The following TULP4 variants were observed in gnomAD, a reference collection of about 807,000 sequenced individuals.
The protein encoded by TULP4 is tubby-related protein 4.
A neutral mutation model predicts 129.0 loss-of-function variants in TULP4; 16 were observed. That is an observed-to-expected ratio of 0.12 (90% CI 0.08 to 0.19). TULP4 has a LOEUF of 0.19. Ranked by LOEUF, TULP4 falls within the 10% of genes least tolerant of loss-of-function variation. TULP4 has a pLI of 1.00. For missense variants in TULP4, 1,842 were observed against 2,059.1 expected, an observed-to-expected ratio of 0.89 and a Z score of 2.04; for synonymous variants, 998 against 854.0, an observed-to-expected ratio of 1.17 and a Z score of -2.94.
intron 1 of TULP4, among the ~76,000 whole-genome samples, chr6:158,408,611 G>C (rs557279781): frequency 5.3e-5 from 8 of 152,150 alleles, no homozygotes; most frequent in Non-Finnish European, 1.2e-4. Context: ...GGCAGCAAGA[G>C]GGTCCTGGTG....
intron 3 of TULP4, among the ~76,000 whole-genome samples, chr6:158,448,612 TAAC>T (rs1171706040): frequency 6.6e-6 from 1 of 152,148 alleles, no homozygotes; most frequent in Non-Finnish European, 1.5e-5. Flanking sequence ...GAGAAAATAA[TAAC>T]AACAAATCTC....
At chr6:158,321,060 T>A (rs976399004) in intron 1 of TULP4, among the ~76,000 whole-genome samples, 6 of 152,174 alleles carry the variant, frequency 3.9e-5, no homozygotes, top group Non-Finnish European at 8.8e-5. Flanking sequence ...TTTAAAAAAA[T>A]TTTCTTTAAC....
chr6:158,359,070 T>G (rs1021119849), intron 1 of TULP4, among the ~76,000 whole-genome samples: 1 of 152,176 alleles, frequency 6.6e-6, no homozygotes, highest in African/African-American at 2.4e-5. Context: ...TAAGGAGGAA[T>G]GTGTAATACA....
chr6:158,265,345 C>T (rs528323060), intron 1 of TULP4, among the ~76,000 whole-genome samples: 10 of 152,074 alleles, frequency 6.6e-5, no homozygotes, highest in Non-Finnish European at 1.2e-4. Context: ...TAGAGCTTAA[C>T]CTTCTCCCAC....
At chr6:158,305,307 A>G (rs1779198741) in intron 1 of TULP4, among the ~76,000 whole-genome samples, 1 of 146,150 alleles carries the variant, frequency 6.8e-6, no homozygotes, top group South Asian at 2.2e-4. Context: ...AGGCTGAATG[A>G]TATTTCATTC....
intron 1 of TULP4, among the ~76,000 whole-genome samples, chr6:158,344,948 T>C (rs888455916): frequency 1.4e-4 from 22 of 152,186 alleles, no homozygotes; most frequent in African/African-American, 4.8e-5. Flanking sequence ...CCAGTGAACA[T>C]GTGAATGATA....
At chr6:158,237,470 G>A in intron 1 of TULP4, 2 of 1,539,504 alleles carry the variant, frequency 1.3e-6, no homozygotes, top group Non-Finnish European at 1.8e-6. Context: ...GCACTGCCAG[G>A]TCTTGGGGAG....
At chr6:158,403,681 A>G (rs73023808) in intron 1 of TULP4, among the ~76,000 whole-genome samples, 30 of 152,324 alleles carry the variant, frequency 2.0e-4, no homozygotes, top group African/African-American at 6.5e-4. Flanking sequence ...TTACTACGCT[A>G]TGGAAACCCT....
In TULP4 at chr6:158,358,816, A is replaced by G. The variant is rs188117404; in HGVS notation, c.252+44548A>G. 4.0e-3 allele frequency among the ~76,000 whole-genome samples: 611 copies of G among 152,336 alleles called. 5 individuals are homozygous for G. Among genetic ancestry groups the G allele is most frequent in the Non-Finnish European group, 5.3e-3 (359 of 68,046 alleles). ...GCAGTAACATTTGATTTGAGTCTTG[A>G]TAGGTAACGAGGTTTCCTGACTAAA... On this transcript the variant is annotated intron_variant, in intron 1 of 13. Coordinates refer to ENST00000367097, the MANE Select transcript of TULP4 (RefSeq NM_020245.5).
chr6:158,502,891 C>T lies in TULP4; in HGVS notation c.3228C>T (p.Ser1076=), dbSNP rs763667335. The T allele has an allele frequency of 5.5e-5, 88 of 1,613,834 alleles. No homozygotes were observed. Among genetic ancestry groups the T allele is most frequent in the East Asian group, 1.1e-4 (5 of 44,872 alleles). The part of the protein sequence containing the change: ...SSYSLLSPPD[S]ARDRTDYVNS... ...ACAGCCTCCTGAGCCCACCCGACAG[C>T]GCCCGCGACCGCACCGACTACGTCA... The change falls in exon 13 of 14, where the codon AGC becomes AGT. Residue 1076 remains serine (S), a synonymous_variant. Transcript: ENST00000367097.
At chr6:158,307,156 T>C (rs1779229047) in intron 1 of TULP4, among the ~76,000 whole-genome samples, 1 of 152,262 alleles carries the variant, frequency 6.6e-6, no homozygotes, top group African/African-American at 2.4e-5. Flanking sequence ...AGTGTATTGT[T>C]TTATATTTTG....
intron 1 of TULP4, among the ~76,000 whole-genome samples, chr6:158,390,117 G>C (rs1777550896): frequency 6.6e-6 from 1 of 151,864 alleles, no homozygotes; most frequent in South Asian, 2.1e-4. Flanking sequence ...TATGTGCACA[G>C]TGAGAAAGTC....
intron 1 of TULP4, among the ~76,000 whole-genome samples, chr6:158,252,617 G>A (rs1164303683): frequency 6.6e-6 from 1 of 152,040 alleles, no homozygotes; most frequent in East Asian, 1.9e-4. Context: ...CTCATGATCT[G>A]CCCGCCTCGG....
At chr6:158,257,270 C>T (rs1434397158) in intron 1 of TULP4, among the ~76,000 whole-genome samples, 1 of 152,118 alleles carries the variant, frequency 6.6e-6, no homozygotes, top group Non-Finnish European at 1.5e-5. Flanking sequence ...TCAGGTCAGC[C>T]TCAGCTCTGT....
chr6:158,412,854 C>T (rs1778127310), intron 1 of TULP4, among the ~76,000 whole-genome samples: 1 of 152,176 alleles, frequency 6.6e-6, no homozygotes, highest in Admixed American at 6.5e-5. Flanking sequence ...CGCACTGTCT[C>T]TCATTGTTAG....
At chr6:158,438,757 G>A (rs530458014) in intron 3 of TULP4, among the ~76,000 whole-genome samples, 12 of 151,990 alleles carry the variant, frequency 7.9e-5, no homozygotes, top group African/African-American at 2.9e-4. Context: ...GCTAATTTTT[G>A]TATTTTTAGT....
At chr6:158,283,713 G>A (rs1470060386) in intron 1 of TULP4, among the ~76,000 whole-genome samples, 1 of 152,204 alleles carries the variant, frequency 6.6e-6, no homozygotes, top group Non-Finnish European at 1.5e-5. Flanking sequence ...CTGTTAAAGT[G>A]CAAGTTGGTC....
chr6:158,413,694 T>C lies in TULP4; in HGVS notation c.381+501T>C, dbSNP rs1478722605. On this transcript the variant is annotated intron_variant, in intron 2 of 13. Transcript: ENST00000367097. This position sits in a 1 kb window ranked among gnomAD's most constrained non-coding sequence, Gnocchi z 4.9. Reference sequence around the variant, plus strand: ...CTCCAGCTCTTCCTTTCTGACACAGTTTGTCTCTGCTCTCAGGAAACAGTT... The same window carrying C: ...CTCCAGCTCTTCCTTTCTGACACAGCTTGTCTCTGCTCTCAGGAAACAGTT... Among the ~76,000 whole-genome samples, 1 of 151,368 alleles carries C rather than the reference T, an allele frequency of 6.6e-6. No homozygotes were observed. The highest frequency in any genetic ancestry group is 1.5e-5 in the Non-Finnish European group (1 of 67,894).
intron 1 of TULP4, among the ~76,000 whole-genome samples, chr6:158,244,767 C>T (rs977841108): frequency 3.9e-5 from 6 of 151,920 alleles, no homozygotes; most frequent in Admixed American, 6.6e-5. Context: ...TGAGGTGAGA[C>T]GATCACTTGA....
Sources: allele counts gnomAD v4.1 joint callset (sites outside exome capture counted in the v4.1 genomes callset), GRCh38; gene constraint gnomAD v4.1.1; non-coding constraint Gnocchi (gnomAD v3.1); transcripts MANE v1.5; gene names NCBI Gene and HGNC (gene_info 2026-07-23, HGNC 2026-07-21).